ECT2L: variants seen among roughly 807,000 people sequenced by gnomAD.
The protein encoded by ECT2L is epithelial cell transforming 2 like, also known as epithelial cell-transforming sequence 2 oncogene-like.
ECT2L carries 126 observed loss-of-function variants against 122.8 expected under a neutral mutation model. The observed-to-expected ratio is 1.03, with a 90% confidence interval of 0.89 to 1.19. The LOEUF (loss-of-function observed/expected upper bound fraction) is 1.19, where lower values mean the gene tolerates loss of function less well. ECT2L is among the 50% of genes most tolerant of loss of function. ECT2L has a pLI of 0.00. For missense variants in ECT2L, 1,012 were observed against 1,064.1 expected (o/e 0.95, Z 0.68); for synonymous variants, 385 against 381.8 (o/e 1.01, Z -0.10).
Position 138,854,019 on chromosome 6 carries a change from T to C in ECT2L, c.1070-7T>C, listed in dbSNP as rs768469146. On this transcript the variant is annotated splice_region_variant and splice_polypyrimidine_tract_variant and intron_variant, in intron 9 of 21. Coordinates refer to ENST00000541398, the MANE Select transcript of ECT2L (RefSeq NM_001077706.3). ...GCTAATATGACATTTTGATTTTTTT[T>C]CCTCAGGCTATAAAATTGGTGTTAA... 8.1e-6 allele frequency: 13 copies of C among 1,612,180 alleles called. No individual in the cohort carries two copies. The highest frequency in any genetic ancestry group is 1.7e-5 in the Admixed American group (1 of 59,466).
chr6:138,817,812 G>T (rs995594781), intron 4 of ECT2L, among the ~76,000 whole-genome samples: 1 of 152,150 alleles, frequency 6.6e-6, no homozygotes, highest in African/African-American at 2.4e-5. Flanking sequence ...AGACTTCTCT[G>T]CTGGTCTTTC....
intron 1 of ECT2L, among the ~76,000 whole-genome samples, chr6:138,797,438 T>C (rs1345510676): frequency 6.6e-6 from 1 of 152,190 alleles, no homozygotes; most frequent in Admixed American, 6.5e-5. Flanking sequence ...AGCAGTGTTT[T>C]AATTTCTAAG....
At chr6:138,802,337 G>T (rs1017087970) in intron 1 of ECT2L, among the ~76,000 whole-genome samples, 5 of 152,226 alleles carry the variant, frequency 3.3e-5, no homozygotes, top group African/African-American at 1.2e-4. Context: ...GTCTACACTT[G>T]TCACTCATAG....
At chr6:138,803,358 T>C (rs781673550) in intron 1 of ECT2L, among the ~76,000 whole-genome samples, 9 of 151,948 alleles carry the variant, frequency 5.9e-5, no homozygotes, top group Middle Eastern at 3.4e-3. Context: ...TACTATACTA[T>C]GCTCACATAT....
At chr6:138,900,428 G>A (rs1395257174) in intron 20 of ECT2L, among the ~76,000 whole-genome samples, 1 of 152,094 alleles carries the variant, frequency 6.6e-6, no homozygotes, top group East Asian at 1.9e-4. Flanking sequence ...TGTATTTTTA[G>A]TAGAGACGGG....
At chr6:138,818,638 G>T (rs1347352740) in intron 4 of ECT2L, among the ~76,000 whole-genome samples, 6 of 152,184 alleles carry the variant, frequency 3.9e-5, no homozygotes, top group Admixed American at 3.9e-4. Flanking sequence ...TAGCTACAGG[G>T]ACTGCTGCAT....
At chr6:138,867,958 C>T in intron 12 of ECT2L, 145 bp from the exon 13 acceptor site, 2 of 545,608 alleles carry the variant, frequency 3.7e-6, no homozygotes, top group Non-Finnish European at 6.0e-6. Context: ...TATGATTTTG[C>T]CACAGCACCC....
At chr6:138,859,174 TTC>T (rs1777732447) in intron 10 of ECT2L, among the ~76,000 whole-genome samples, 1 of 152,236 alleles carries the variant, frequency 6.6e-6, no homozygotes, top group Non-Finnish European at 1.5e-5. Context: ...ACAGTATGTA[TTC>T]TCTGTCTGAC....
chr6:138,872,306 T>C (rs1778285449), intron 13 of ECT2L, among the ~76,000 whole-genome samples: 1 of 152,234 alleles, frequency 6.6e-6, no homozygotes, highest in Admixed American at 6.5e-5. Context: ...TTGCAGGAGC[T>C]AACCAGCTAA....
At chr6:138,859,547 G>A (rs563887834) in intron 10 of ECT2L, among the ~76,000 whole-genome samples, 13 of 152,198 alleles carry the variant, frequency 8.5e-5, no homozygotes, top group African/African-American at 2.6e-4. Flanking sequence ...CACTTGGTAC[G>A]GCCAGTCTTT....
chr6:138,815,468 T>C (rs528727365), intron 4 of ECT2L, among the ~76,000 whole-genome samples: 68 of 152,306 alleles, frequency 4.5e-4, no homozygotes, highest in Non-Finnish European at 8.8e-4. Context: ...GCAGGATGGT[T>C]TTCCAGCCCT....
chr6:138,813,343 A>T lies in ECT2L; in HGVS notation c.66+3A>T. 1 of 1,607,846 alleles carries T rather than the reference A, an allele frequency of 6.2e-7. No individual in the cohort carries two copies. Among genetic ancestry groups the T allele is most frequent in the South Asian group, 1.1e-5 (1 of 89,886 alleles). ...GCAACAAGTCATTAAATAGACAGGT[A>T]AGTTACATACTTTAAAACAGAACAA... On this transcript the variant is annotated splice_donor_region_variant and intron_variant, in intron 3 of 21. Transcript: ENST00000541398.
intron 4 of ECT2L, among the ~76,000 whole-genome samples, chr6:138,837,421 CCT>C (rs902406909): frequency 5.3e-5 from 8 of 152,218 alleles, no homozygotes; most frequent in Admixed American, 3.3e-4. Context: ...CTGAGCAAAC[CCT>C]GTTACTGACC....
At chr6:138,815,457 G>C (rs1394374502) in intron 4 of ECT2L, among the ~76,000 whole-genome samples, 1 of 152,186 alleles carries the variant, frequency 6.6e-6, no homozygotes, top group Non-Finnish European at 1.5e-5. Context: ...GCAGGTACGT[G>C]GCAGGATGGT....
chr6:138,881,012 T>C lies in ECT2L; in HGVS notation c.1721T>C (p.Leu574Pro), dbSNP rs1268515615. The change falls in exon 15 of 22, where the codon CTC becomes CCC. Residue 574 changes from leucine (L) to proline (P), a missense_variant. Physicochemically the swap from Leu to Pro is moderately conservative, Grantham distance 98. Transcript: ENST00000541398. ...AAGCGAGCTAGAGTTGTCAGAGAAC[T>C]CTTACAGAGTGAGAGAAAATACGTG... ...AEKRARVVRE[L>P]LQSERKYVQI... 6.2e-7 allele frequency: 1 copy of C among 1,614,176 alleles called. No homozygotes were observed.
intron 16 of ECT2L, among the ~76,000 whole-genome samples, chr6:138,885,060 G>C (rs539470615): frequency 8.3e-6 from 1 of 120,744 alleles, no homozygotes; most frequent in South Asian, 2.5e-4. Context: ...ATGGAGTCTC[G>C]CTCTGTTGCC....
rs769367602 is a variant in ECT2L at position 138,854,053 on chromosome 6, T to C, written c.1097T>C (p.Leu366Pro). The change falls in exon 10 of 22, where the codon CTG (leucine) becomes CCG (proline). Residue 366 changes from leucine to proline, a missense_variant. Transcript: ENST00000541398. Reference sequence around the variant, plus strand: ...TATAAAATTGGTGTTAAAAATTTACTGAGGCCTGAAGTGAGAGATTTCTGG... The same window carrying C: ...TATAAAATTGGTGTTAAAAATTTACCGAGGCCTGAAGTGAGAGATTTCTGG... The part of the protein sequence containing the change: ...QGYKIGVKNL[L>P]RPEVRDFWEK... 1 of 1,614,098 alleles carries C rather than the reference T, an allele frequency of 6.2e-7. No homozygotes were observed. Among genetic ancestry groups the C allele is most frequent in the Non-Finnish European group, 8.5e-7 (1 of 1,179,980 alleles).
Position 138,854,298 on chromosome 6 carries a change from G to C in ECT2L, c.1198+144G>C, listed in dbSNP as rs1000517695. On this transcript the variant is annotated intron_variant, in intron 10 of 21. Transcript: ENST00000541398. ...TTTTTCTTTGTACTTCACATATCCA[G>C]GTATTTCAAGAAAGTAGCAGTGAGG... The C allele has an allele frequency of 6.8e-6, 7 of 1,035,316 alleles. No individual in the cohort carries two copies. The African/African-American group carries it at 1.1e-4, about 16-fold the overall frequency. 64.1% of individuals were successfully genotyped at this position (1,035,316 alleles called of 1,614,324 possible).
intron 7 of ECT2L, among the ~76,000 whole-genome samples, chr6:138,846,024 T>C (rs1777208966): frequency 6.6e-6 from 1 of 152,068 alleles, no homozygotes; most frequent in South Asian, 2.1e-4. Context: ...TGAACTGTGA[T>C]GACACAACTG....
Sources: allele counts gnomAD v4.1 joint callset (sites outside exome capture counted in the v4.1 genomes callset), GRCh38; gene constraint gnomAD v4.1.1; transcripts MANE v1.5; gene names NCBI Gene and HGNC (gene_info 2026-07-23, HGNC 2026-07-21).